ALDH18A1: variants seen among roughly 807,000 people sequenced by gnomAD.
The protein encoded by ALDH18A1 is delta-1-pyrroline-5-carboxylate synthase.
ALDH18A1 carries 44 observed loss-of-function variants against 88.8 expected under a neutral mutation model. The observed-to-expected ratio is 0.50, with a 90% CI of 0.39 to 0.64. The LOEUF (loss-of-function observed/expected upper bound fraction) is 0.64. Among genes scored for constraint, ALDH18A1 ranks in the 30% least tolerant of loss-of-function variants. The pLI is 0.00. For missense variants in ALDH18A1, 782 were observed against 1,009.5 expected (o/e 0.77, Z 3.05); for synonymous variants, 331 against 372.1 (o/e 0.89, Z 1.27).
chr10:95,633,496 C>CA lies in ALDH18A1; in HGVS notation c.711_712insT (p.Val238CysfsTer5), dbSNP rs1757010517. The CA allele has an allele frequency of 1.9e-6, 3 of 1,613,996 alleles. No individual in the cohort carries two copies. The highest frequency in any genetic ancestry group is 2.5e-6 in the Non-Finnish European group (3 of 1,180,016). Reference sequence around the variant, plus strand: ...CTTAGAAATACTTTACCCACATTTACCCCCTGCAGGTCACTGTTGGGCTCA... The same window carrying CA: ...CTTAGAAATACTTTACCCACATTTACACCCCTGCAGGTCACTGTTGGGCTCA... On this transcript the variant is annotated frameshift_variant, in exon 6 of 18. Coordinates refer to ENST00000371224, the MANE Select transcript of ALDH18A1 (RefSeq NM_002860.4). LOFTEE classifies it high-confidence loss of function.
chr10:95,630,943 G>A (rs1186976112), intron 7 of ALDH18A1, among the ~76,000 whole-genome samples: 1 of 152,180 alleles, frequency 6.6e-6, no homozygotes, highest in Non-Finnish European at 1.5e-5. Context: ...GTCTGCCCCT[G>A]CCTCCACTAG....
chr10:95,647,727 T>C (rs916541742), intron 2 of ALDH18A1, among the ~76,000 whole-genome samples: 3 of 152,256 alleles, frequency 2.0e-5, no homozygotes, highest in African/African-American at 7.2e-5. Flanking sequence ...CTTGCTGGGT[T>C]ACCCCACTCA....
chr10:95,616,173 C>A (rs1301005506), intron 13 of ALDH18A1, among the ~76,000 whole-genome samples: 1 of 152,198 alleles, frequency 6.6e-6, no homozygotes, highest in African/African-American at 2.4e-5. Context: ...TGACAGGAAC[C>A]TAGGCCTCAC....
Position 95,627,733 on chromosome 10 carries a change from A to G in ALDH18A1, c.934-147T>C. 3 of 1,049,818 alleles carry G rather than the reference A, an allele frequency of 2.9e-6. No individual in the cohort carries two copies. The South Asian group carries it at 4.1e-5, about 14-fold the overall frequency. 65.0% of individuals were successfully genotyped at this position (1,049,818 alleles called of 1,614,324 possible). On this transcript the variant is annotated intron_variant, in intron 8 of 17. Transcript: ENST00000371224. The stretch of plus-strand genomic sequence containing the variant: ...TTTTAAAAGCTTAGAAGCTCTGAAA[A>G]CACATAACAGTTCACACACTTTCCA...
intron 17 of ALDH18A1, among the ~76,000 whole-genome samples, chr10:95,607,735 T>C (rs2097825402): frequency 6.6e-6 from 1 of 152,114 alleles, no homozygotes; most frequent in Non-Finnish European, 1.5e-5. Flanking sequence ...AGAGGCTGTG[T>C]GGTGGAGCTG....
In ALDH18A1 at chr10:95,606,651, CA is replaced by C. The variant is rs1486498621; in HGVS notation, c.*110del. 3 of 1,608,242 alleles carry C rather than the reference CA, an allele frequency of 1.9e-6. No homozygotes were observed. The African/African-American group carries it at 4.0e-5, about 21-fold the overall frequency. ...CCCAGAAGCATCCAGGTACACTTTC[CA>C]ACAGGCAGACCCTACCAGGAACTGG... On this transcript the variant is annotated 3_prime_UTR_variant, in exon 18 of 18. Coordinates refer to ENST00000371224, the MANE Select transcript of ALDH18A1 (RefSeq NM_002860.4).
At chr10:95,627,191 A>G (rs1007352878) in intron 9 of ALDH18A1, among the ~76,000 whole-genome samples, 7 of 148,714 alleles carry the variant, frequency 4.7e-5, no homozygotes, top group Non-Finnish European at 1.0e-4. Flanking sequence ...GGCATCTAAC[A>G]TAGGCCTAGC....
chr10:95,617,507 G>A (rs1448955402), intron 12 of ALDH18A1, among the ~76,000 whole-genome samples: 1 of 152,224 alleles, frequency 6.6e-6, no homozygotes, highest in East Asian at 1.9e-4. Flanking sequence ...AGACTGCTGA[G>A]AACAGAGTCT....
chr10:95,611,700 G>C (rs188677745), intron 15 of ALDH18A1, among the ~76,000 whole-genome samples: 13 of 152,318 alleles, frequency 8.5e-5, no homozygotes, highest in Admixed American at 2.6e-4. Context: ...GGCCGGGCAT[G>C]GTGGCTCACG....
intron 17 of ALDH18A1, among the ~76,000 whole-genome samples, chr10:95,609,050 T>A (rs539927951): frequency 6.6e-6 from 1 of 152,270 alleles, no homozygotes; most frequent in South Asian, 2.1e-4. Context: ...TAATTTTGTA[T>A]TTTTAGTAGA....
At chr10:95,640,736 CTA>C (rs1185852727) in intron 3 of ALDH18A1, among the ~76,000 whole-genome samples, 2 of 152,222 alleles carry the variant, frequency 1.3e-5, no homozygotes, top group Admixed American at 1.3e-4. Context: ...GATAAGATGT[CTA>C]TTAGTCAGGC....
chr10:95,621,671 G>A (rs1161069100), intron 11 of ALDH18A1, among the ~76,000 whole-genome samples: 1 of 152,074 alleles, frequency 6.6e-6, no homozygotes, highest in Non-Finnish European at 1.5e-5. Context: ...ACAGACTTGG[G>A]AAGACAATGA....
At chr10:95,650,959 C>A (rs780715935) in intron 2 of ALDH18A1, among the ~76,000 whole-genome samples, 5 of 152,002 alleles carry the variant, frequency 3.3e-5, no homozygotes, top group Non-Finnish European at 7.4e-5. Flanking sequence ...CATGGTAAAA[C>A]CCTGTTTCTA....
chr10:95,652,296 A>C (rs1336934619), intron 2 of ALDH18A1, among the ~76,000 whole-genome samples: 2 of 152,260 alleles, frequency 1.3e-5, no homozygotes, highest in Admixed American at 6.5e-5. Context: ...TGATCGTATC[A>C]ACGTCAATAC....
chr10:95,619,317 T>C (rs940624125), intron 12 of ALDH18A1, among the ~76,000 whole-genome samples: 3 of 152,212 alleles, frequency 2.0e-5, no homozygotes, highest in Admixed American at 6.5e-5. Context: ...GAACATTCCA[T>C]GCTCATGGAT....
chr10:95,647,632 C>A (rs1254059107), intron 2 of ALDH18A1, among the ~76,000 whole-genome samples: 1 of 152,174 alleles, frequency 6.6e-6, no homozygotes, highest in African/African-American at 2.4e-5. Flanking sequence ...GTTGTAAGAC[C>A]CTCAGTCCAG....
intron 2 of ALDH18A1, among the ~76,000 whole-genome samples, chr10:95,648,915 T>C (rs1299006690): frequency 6.6e-6 from 1 of 152,246 alleles, no homozygotes; most frequent in Non-Finnish European, 1.5e-5. Context: ...AGTTACTTCA[T>C]AAGCAGAAGG....
In ALDH18A1 at chr10:95,614,188, A is replaced by G. The variant is rs112922650; in HGVS notation, c.1606-27T>C. 59 of 1,610,306 alleles carry G rather than the reference A, an allele frequency of 3.7e-5. 1 individual carries two copies. The African/African-American group carries it at 5.1e-4, about 14-fold the overall frequency. On this transcript the variant is annotated intron_variant, in intron 13 of 17. Transcript: ENST00000371224. ...TTTAGAAGGAAAGAAGAAAAAGATA[A>G]AGATGACATCTGACCACACAAAATA... is the stretch of plus-strand genomic sequence containing the variant.
intron 17 of ALDH18A1, among the ~76,000 whole-genome samples, chr10:95,607,840 C>T (rs1490407846): frequency 1.3e-5 from 2 of 152,034 alleles, no homozygotes; most frequent in African/African-American, 2.4e-5. Flanking sequence ...CTGGAGAAAA[C>T]CAGACAGAGG....
Sources: allele counts gnomAD v4.1 joint callset (sites outside exome capture counted in the v4.1 genomes callset), GRCh38; gene constraint gnomAD v4.1.1; transcripts MANE v1.5; gene names NCBI Gene and HGNC (gene_info 2026-07-23, HGNC 2026-07-21).